The following HERC3 variants were observed in gnomAD, a reference collection of about 807,000 sequenced individuals.
HERC3 encodes HECT and RLD domain containing E3 ubiquitin protein ligase 3, also known as probable E3 ubiquitin-protein ligase HERC3.
A neutral mutation model predicts 129.9 loss-of-function variants in HERC3; 58 were observed. The ratio of observed to expected loss-of-function variants is 0.45; its 90% CI spans 0.36 to 0.56. The LOEUF (loss-of-function observed/expected upper bound fraction) is 0.56, where lower values mean the gene tolerates loss of function less well. Among genes scored for constraint, HERC3 ranks in the 20% least tolerant of loss-of-function variants. The probability of loss-of-function intolerance (pLI) is 0.00; values close to 1 mark genes in which losing one functional copy is unlikely to be tolerated. For missense variants in HERC3, 835 were observed against 1,244.2 expected (o/e 0.67, Z 4.95); for synonymous variants, 430 against 451.0 (o/e 0.95, Z 0.59).
intron 3 of HERC3, among the ~76,000 whole-genome samples, chr4:88,625,262 G>C (rs899037486): frequency 6.6e-6 from 1 of 152,124 alleles, no homozygotes; most frequent in African/African-American, 2.4e-5. Flanking sequence ...GAATTGCACT[G>C]AATCTGTGGA....
At chr4:88,557,084 C>A in the HERC3 span, among the ~76,000 whole-genome samples, 7 of 152,242 alleles carry the variant, frequency 4.6e-5, no homozygotes, top group African/African-American at 1.7e-4. Flanking sequence ...AAAGCTCCCA[C>A]CTCTTCCTTC....
At chr4:88,597,024 G>A (rs1324817617) in intron 2 of HERC3, among the ~76,000 whole-genome samples, 1 of 152,094 alleles carries the variant, frequency 6.6e-6, no homozygotes, top group East Asian at 1.9e-4. Context: ...CTGCTGTACA[G>A]TGTTCTGTTT....
intron 19 of HERC3, 68 bp from the exon 20 acceptor site, chr4:88,680,025 T>A: frequency 8.8e-6 from 12 of 1,366,020 alleles, no homozygotes; most frequent in Non-Finnish European, 1.1e-5. Flanking sequence ...TAGAAAATGG[T>A]CTGCTAAAAA....
At chr4:88,591,549 T>C (rs1225597998), upstream of HERC3, among the ~76,000 whole-genome samples, 2 of 152,124 alleles carry the variant, frequency 1.3e-5, no homozygotes, top group African/African-American at 4.8e-5. Context: ...AGTTATTCCT[T>C]TGGATTAAAG....
At chr4:88,643,221 T>A (rs548859012) in intron 3 of HERC3, among the ~76,000 whole-genome samples, 1 of 152,330 alleles carries the variant, frequency 6.6e-6, no homozygotes, top group South Asian at 2.1e-4. Context: ...AAAAGTCTGG[T>A]AGAAGAAATC....
chr4:88,581,486 A>G, the HERC3 span, among the ~76,000 whole-genome samples: 2 of 149,334 alleles, frequency 1.3e-5, no homozygotes, highest in East Asian at 2.0e-4. Context: ...TTGTATTTTT[A>G]GTAGAGACAG....
chr4:88,675,921 T>C (rs1732116336), intron 16 of HERC3, among the ~76,000 whole-genome samples: 1 of 152,198 alleles, frequency 6.6e-6, no homozygotes, highest in South Asian at 2.1e-4. Flanking sequence ...GCTCCTGTTT[T>C]GGAATTAGAT....
chr4:88,616,293 CTA>C (rs1724889925), intron 3 of HERC3, among the ~76,000 whole-genome samples: 1 of 152,208 alleles, frequency 6.6e-6, no homozygotes, highest in South Asian at 2.1e-4. Flanking sequence ...CATCTTCTCT[CTA>C]TGCAATTGTT....
chr4:88,675,002 A>C (rs190996867), intron 16 of HERC3, among the ~76,000 whole-genome samples: 1 of 152,344 alleles, frequency 6.6e-6, no homozygotes, highest in East Asian at 1.9e-4. Flanking sequence ...CAATTATAAA[A>C]CCAAACCAAA....
the HERC3 span, among the ~76,000 whole-genome samples, chr4:88,556,442 C>A: frequency 6.6e-6 from 1 of 152,106 alleles, no homozygotes; most frequent in Non-Finnish European, 1.5e-5. Context: ...TTGAAACAAA[C>A]CCATTTAAAG....
At chr4:88,694,649 G>T (rs1360348181) in intron 23 of HERC3, among the ~76,000 whole-genome samples, 1 of 152,108 alleles carries the variant, frequency 6.6e-6, no homozygotes, top group African/African-American at 2.4e-5. Context: ...ATTATATTAG[G>T]TTCCAGATCC....
chr4:88,678,225 G>C, intron 19 of HERC3, 91 bp downstream of exon 19: 1 of 1,137,018 alleles, frequency 8.8e-7, no homozygotes, highest in Non-Finnish European at 1.3e-6. Context: ...TAAAATTGTG[G>C]GGTGCAGCCA....
intron 11 of HERC3, 123 bp downstream of exon 11, chr4:88,662,678 A>G (rs1730613689): frequency 1.9e-6 from 2 of 1,028,252 alleles, no homozygotes; most frequent in Non-Finnish European, 2.8e-6. Flanking sequence ...CATTATAGGG[A>G]ATCGTGGGTT....
intron 14 of HERC3, among the ~76,000 whole-genome samples, chr4:88,669,336 ATCT>A (rs1268146051): frequency 6.6e-6 from 1 of 152,188 alleles, no homozygotes; most frequent in Non-Finnish European, 1.5e-5. Flanking sequence ...CCAGTGGTAT[ATCT>A]TCTTGTCTGG....
chr4:88,569,051 T>A, the HERC3 span, among the ~76,000 whole-genome samples: 1 of 152,106 alleles, frequency 6.6e-6, no homozygotes, highest in Non-Finnish European at 1.5e-5. Context: ...GGAATTACAA[T>A]CCTTGTGACC....
chr4:88,701,708 C>T (rs550470430), intron 23 of HERC3, among the ~76,000 whole-genome samples: 4 of 152,150 alleles, frequency 2.6e-5, no homozygotes, highest in East Asian at 1.9e-4. Context: ...CCCCTCTTCC[C>T]GCCCTTCTTT....
intron 23 of HERC3, chr4:88,697,286 C>A: frequency 6.2e-7 from 1 of 1,604,320 alleles, no homozygotes; most frequent in Admixed American, 1.7e-5. Flanking sequence ...GCAGCCTCCT[C>A]CTCCTCCTCG....
At chr4:88,683,712 T>G (rs1733070446) in intron 21 of HERC3, among the ~76,000 whole-genome samples, 2 of 152,222 alleles carry the variant, frequency 1.3e-5, no homozygotes, top group Non-Finnish European at 2.9e-5. Flanking sequence ...TGATTGTTGT[T>G]GCCATAAACA....
Position 88,707,017 on chromosome 4 carries a change from A to G in HERC3, c.*57A>G. The G allele has an allele frequency of 7.4e-7, 1 of 1,346,584 alleles. No individual in the cohort carries two copies. The highest frequency in any genetic ancestry group is 1.1e-6 in the Non-Finnish European group (1 of 942,212). The allele number at this position is 1,346,584 out of a possible 1,614,324, so 83.4% of individuals were successfully genotyped here. On this transcript the variant is annotated 3_prime_UTR_variant, in exon 26 of 26. Transcript: ENST00000402738. ...TTCCTCAGTGTCCACATTGAGGCCT[A>G]TACAGAAAATCATGGGGAGTGATTT...
Sources: allele counts gnomAD v4.1 joint callset (sites outside exome capture counted in the v4.1 genomes callset), GRCh38; gene constraint gnomAD v4.1.1; transcripts MANE v1.5; gene names NCBI Gene and HGNC (gene_info 2026-07-23, HGNC 2026-07-21).